Variants in MID1 observed in about 807,000 individuals in gnomAD.
MID1 encodes midline 1.
In MID1, 7 loss-of-function variants were observed where a neutral mutation model predicts 40.4. The observed-to-expected ratio is 0.17, with a 90% CI of 0.10 to 0.33. The LOEUF (loss-of-function observed/expected upper bound fraction) is 0.33. Among genes scored for constraint, MID1 ranks in the 10% least tolerant of loss-of-function variants. MID1 has a pLI of 1.00. For synonymous variants in MID1, 229 were observed against 221.2 expected, an observed-to-expected ratio of 1.04 and a Z score of -0.31; for missense variants, 367 against 558.5, an observed-to-expected ratio of 0.66 and a Z score of 3.46.
At chrX:10,482,726 C>T in intron 4 of MID1, 98 bp from the exon 5 acceptor site, 1 of 938,787 alleles carries the variant, frequency 1.1e-6, no homozygotes, top group Non-Finnish European at 1.5e-6. Context: ...TGTTATCCTT[C>T]CATAAAAGTT....
At chrX:10,575,496 C>A (rs1336707268) in intron 1 of MID1, among the ~76,000 whole-genome samples, 1 of 112,205 alleles carries the variant, frequency 8.9e-6, no homozygotes, top group Admixed American at 9.5e-5. Flanking sequence ...AAGATGAATT[C>A]ATCATAGGGT....
chrX:10,777,786 G>T (rs1280480339), intron 1 of MID1, among the ~76,000 whole-genome samples: 1 of 111,532 alleles, frequency 9.0e-6, no homozygotes, highest in African/African-American at 3.3e-5. Flanking sequence ...TGATCTACCC[G>T]CCTCAGCTTC....
chrX:10,723,604 T>C (rs918839454), intron 1 of MID1, among the ~76,000 whole-genome samples: 1 of 113,212 alleles, frequency 8.8e-6, no homozygotes, highest in Non-Finnish European at 1.9e-5. Context: ...CAGGCTGGAG[T>C]GCAGTGGCGC....
At chrX:10,600,564 T>C (rs560262624) in intron 1 of MID1, among the ~76,000 whole-genome samples, 1 of 111,598 alleles carries the variant, frequency 9.0e-6, no homozygotes, top group East Asian at 2.8e-4. Context: ...GAAAGTGTCA[T>C]ATAAAATGGC....
chrX:10,558,504 C>T (rs1168490801), intron 2 of MID1, among the ~76,000 whole-genome samples: 1 of 113,229 alleles, frequency 8.8e-6, no homozygotes, highest in African/African-American at 3.2e-5. Flanking sequence ...TTGGCAGGTG[C>T]TTTAGAAACA....
At chrX:10,667,662 A>G (rs1484090679) in intron 1 of MID1, among the ~76,000 whole-genome samples, 2 of 111,440 alleles carry the variant, frequency 1.8e-5, no homozygotes, top group Non-Finnish European at 3.8e-5. Flanking sequence ...GAGACCTAGC[A>G]TTTGTGAAGG....
At chrX:10,614,951 G>A (rs1935814228) in intron 1 of MID1, among the ~76,000 whole-genome samples, 1 of 111,679 alleles carries the variant, frequency 9.0e-6, no homozygotes, top group South Asian at 3.8e-4. Flanking sequence ...AAAACATAAA[G>A]TATTCCTAGA....
intron 1 of MID1, among the ~76,000 whole-genome samples, chrX:10,737,695 G>A (rs2043496561): frequency 9.1e-6 from 1 of 109,453 alleles, no homozygotes; most frequent in Non-Finnish European, 1.9e-5. Context: ...GGGATAGAGT[G>A]GAAGGAAGGG....
At chrX:10,722,596 T>C (rs1275194807) in intron 1 of MID1, among the ~76,000 whole-genome samples, 1 of 111,979 alleles carries the variant, frequency 8.9e-6, no homozygotes, top group Non-Finnish European at 1.9e-5. Flanking sequence ...AAAATTGAAA[T>C]GTATTTTATC....
chrX:10,699,632 T>C (rs2043182712), intron 1 of MID1, among the ~76,000 whole-genome samples: 1 of 111,720 alleles, frequency 9.0e-6, no homozygotes, highest in Non-Finnish European at 1.9e-5. Flanking sequence ...AATTATGTTG[T>C]ACTTCTTGCT....
chrX:10,746,556 G>T (rs2043558267), intron 1 of MID1, among the ~76,000 whole-genome samples: 1 of 111,366 alleles, frequency 9.0e-6, no homozygotes, highest in African/African-American at 3.3e-5. Flanking sequence ...GAAGATTTTG[G>T]TCTGTCAAAT....
At chrX:10,608,325 T>C (rs1224202012) in intron 1 of MID1, among the ~76,000 whole-genome samples, 2 of 112,218 alleles carry the variant, frequency 1.8e-5, no homozygotes, top group African/African-American at 6.5e-5. Flanking sequence ...GCAACTTTGT[T>C]TGTAATAGCT....
At chrX:10,643,903 G>A (rs1024938823) in intron 1 of MID1, among the ~76,000 whole-genome samples, 8 of 111,294 alleles carry the variant, frequency 7.2e-5, no homozygotes, top group Non-Finnish European at 1.3e-4. Flanking sequence ...ACTATCACAA[G>A]GACAGAAAAC....
intron 1 of MID1, among the ~76,000 whole-genome samples, chrX:10,742,584 G>A (rs1331249496): frequency 8.9e-6 from 1 of 112,139 alleles, no homozygotes; most frequent in African/African-American, 3.2e-5. Context: ...AATTGCTTGT[G>A]GTTTAAACAT....
At chrX:10,721,056 G>A (rs1438810285) in intron 1 of MID1, among the ~76,000 whole-genome samples, 1 of 106,599 alleles carries the variant, frequency 9.4e-6, no homozygotes, top group Non-Finnish European at 1.9e-5. Context: ...TGTGGGGTGG[G>A]GGGAGGCGGG....
At chrX:10,829,763 C>A (rs760140967) in intron 1 of MID1, among the ~76,000 whole-genome samples, 13 of 111,768 alleles carry the variant, frequency 1.2e-4, no homozygotes, top group African/African-American at 4.2e-4. Flanking sequence ...TTGGAAAATC[C>A]TACTGGTGCA....
intron 5 of MID1, among the ~76,000 whole-genome samples, chrX:10,475,394 C>T (rs936380166): frequency 1.8e-5 from 2 of 111,847 alleles, no homozygotes; most frequent in Non-Finnish European, 3.8e-5. Context: ...TCTCACAAAT[C>T]CCCCCAGTGG....
Position 10,754,308 on chromosome X carries a change from TG to T in MID1, c.-187+79245del, listed in dbSNP as rs1569162369. On this transcript the variant is annotated intron_variant, in intron 1 of 10. Transcript: ENST00000380785. ...AAGAATAGACAAGAGAGTTTTTTTT[TG>T]TTTTTTGTTTTTTGTTTTTTTTGTC... Among the ~76,000 whole-genome samples the T allele has an allele frequency of 1.0e-3, 108 of 104,923 alleles. 1 individual carries two copies. The highest frequency in any genetic ancestry group is 4.2e-3 in the African/African-American group (105 of 24,763). 91.1% of individuals were successfully genotyped at this position (104,923 alleles called of 115,157 possible).
intron 3 of MID1, chrX:10,506,067 C>T (rs1931816206): frequency 2.5e-6 from 2 of 786,209 alleles, no homozygotes; most frequent in African/African-American, 2.2e-5. Context: ...TCATGACGCA[C>T]CCACAAGTGA....
Sources: gnomAD v4.1 joint callset for allele counts (sites outside exome capture counted in the v4.1 genomes callset) on GRCh38, gnomAD v4.1.1 for gene constraint, MANE v1.5 for transcripts, NCBI Gene and HGNC (gene_info 2026-07-23, HGNC 2026-07-21) for gene names.